Variants in CNTNAP5 observed in about 807,000 individuals in gnomAD.
CNTNAP5 encodes contactin-associated protein-like 5.
In CNTNAP5, 72 loss-of-function variants were observed where a neutral mutation model predicts 150.2. The ratio of observed to expected loss-of-function variants is 0.48; its 90% CI spans 0.40 to 0.58. The LOEUF (loss-of-function observed/expected upper bound fraction) is 0.58. CNTNAP5 is among the 20% of genes least tolerant of loss of function. CNTNAP5 has a pLI of 0.00. For synonymous variants in CNTNAP5, 672 were observed against 619.8 expected, an observed-to-expected ratio of 1.08 and a Z score of -1.25; for missense variants, 1,636 against 1,626.2, an observed-to-expected ratio of 1.01 and a Z score of -0.10.
intron 11 of CNTNAP5, among the ~76,000 whole-genome samples, chr2:124,607,050 C>G (rs118147848): frequency 6.6e-6 from 1 of 152,170 alleles, no homozygotes; most frequent in African/African-American, 2.4e-5. Context: ...ATCCTTACTA[C>G]AACAGTATGA....
At position 124,772,670 on chromosome 2, in the gene CNTNAP5, G is replaced by A. The variant is rs117235017; in HGVS notation, c.2534-129G>A. ...TGTTACTATTAATGGTGATTTCAGT[G>A]CTGCAGGGATTTCAAAAGAAGTCTT... On this transcript the variant is annotated intron_variant, in intron 16 of 23. Transcript: ENST00000682447. The A allele has an allele frequency of 1.8e-3, 1,222 of 673,060 alleles. 16 individuals carry two copies. In the East Asian group the frequency reaches 0.029, roughly 16 times the overall value. 41.7% of individuals were successfully genotyped at this position (673,060 alleles called of 1,614,324 possible).
intron 1 of CNTNAP5, among the ~76,000 whole-genome samples, chr2:124,058,773 T>A (rs17010782): frequency 2.4e-4 from 37 of 152,194 alleles, no homozygotes; most frequent in Non-Finnish European, 4.8e-4. Flanking sequence ...ACCACTCTTA[T>A]GAGCCAAATT....
chr2:124,754,413 C>G (rs1049427809), intron 14 of CNTNAP5, among the ~76,000 whole-genome samples: 1 of 152,084 alleles, frequency 6.6e-6, no homozygotes, highest in Admixed American at 6.6e-5. Flanking sequence ...TTTGCTCACT[C>G]GGTCCCTGAA....
At chr2:124,285,081 A>T (rs1158971486) in intron 3 of CNTNAP5, among the ~76,000 whole-genome samples, 1 of 152,106 alleles carries the variant, frequency 6.6e-6, no homozygotes, top group Non-Finnish European at 1.5e-5. Context: ...TAGTTCTTGG[A>T]GTGTGAATAT....
chr2:124,111,567 C>A (rs1439005294), intron 1 of CNTNAP5, among the ~76,000 whole-genome samples: 1 of 152,094 alleles, frequency 6.6e-6, no homozygotes, highest in African/African-American at 2.4e-5. Flanking sequence ...CCACAGGCTT[C>A]ATCACTGATG....
intron 3 of CNTNAP5, among the ~76,000 whole-genome samples, chr2:124,406,322 G>A (rs143572729): frequency 3.5e-4 from 54 of 152,224 alleles, no homozygotes; most frequent in African/African-American, 1.2e-3. Flanking sequence ...TGTAAATTAG[G>A]TCAATTTTAC....
chr2:124,085,407 A>G (rs1294542012), intron 1 of CNTNAP5, among the ~76,000 whole-genome samples: 1 of 150,540 alleles, frequency 6.6e-6, no homozygotes, highest in Non-Finnish European at 1.5e-5. Context: ...TTCATTCCTG[A>G]TATTGGTTTT....
intron 19 of CNTNAP5, among the ~76,000 whole-genome samples, chr2:124,852,676 A>T (rs369530045): frequency 2.0e-5 from 3 of 151,900 alleles, no homozygotes; most frequent in Middle Eastern, 3.2e-3. Flanking sequence ...GAGAATGAGG[A>T]GGTGAGGCTG....
intron 1 of CNTNAP5, among the ~76,000 whole-genome samples, chr2:124,081,252 A>C (rs573008088): frequency 6.6e-6 from 1 of 152,262 alleles, no homozygotes; most frequent in African/African-American, 2.4e-5. Flanking sequence ...AAAATCATCT[A>C]TTAGAACCAC....
intron 13 of CNTNAP5, among the ~76,000 whole-genome samples, chr2:124,714,280 G>A (rs1018925286): frequency 3.3e-5 from 5 of 152,124 alleles, no homozygotes; most frequent in East Asian, 3.9e-4. Flanking sequence ...TACGCAGAAT[G>A]ACCCTCAAGG....
chr2:124,227,018 G>A (rs1465780757), intron 2 of CNTNAP5, among the ~76,000 whole-genome samples: 2 of 151,958 alleles, frequency 1.3e-5, no homozygotes, highest in South Asian at 2.1e-4. Flanking sequence ...CATCTGTTAC[G>A]GGCTGCACCT....
intron 13 of CNTNAP5, among the ~76,000 whole-genome samples, chr2:124,729,904 C>G (rs938734611): frequency 1.3e-5 from 2 of 152,072 alleles, no homozygotes; most frequent in Admixed American, 1.3e-4. Flanking sequence ...GAGCAGCCAA[C>G]AATGCATTAA....
At chr2:124,122,278 A>C (rs1216100708) in intron 1 of CNTNAP5, among the ~76,000 whole-genome samples, 1 of 152,226 alleles carries the variant, frequency 6.6e-6, no homozygotes, top group East Asian at 1.9e-4. Context: ...AAATGATATT[A>C]CTAATTAAAT....
chr2:124,156,133 G>A (rs1056386557), intron 1 of CNTNAP5, among the ~76,000 whole-genome samples: 24 of 152,198 alleles, frequency 1.6e-4, no homozygotes, highest in African/African-American at 5.5e-4. Context: ...TCTTGATTTC[G>A]TAAAAGGGTT....
At chr2:124,122,783 CA>C (rs1558764177) in intron 1 of CNTNAP5, among the ~76,000 whole-genome samples, 58 of 151,276 alleles carry the variant, frequency 3.8e-4, no homozygotes, top group South Asian at 4.2e-4. Context: ...CACACACACA[CA>C]CACACACACC....
intron 1 of CNTNAP5, among the ~76,000 whole-genome samples, chr2:124,119,856 A>C (rs1306650369): frequency 6.6e-6 from 1 of 152,260 alleles, no homozygotes; most frequent in Non-Finnish European, 1.5e-5. Context: ...AAACCACTGC[A>C]GGCTCTTTAC....
At position 124,795,922 on chromosome 2, in the gene CNTNAP5, G is replaced by A. The variant is rs996022730; in HGVS notation, c.2993-2174G>A. 7.2e-5 allele frequency among the ~76,000 whole-genome samples: 11 copies of A among 151,952 alleles called. No homozygotes were observed. In the East Asian group the frequency reaches 9.7e-4, roughly 13 times the overall value. Reference sequence around the variant, plus strand: ...CAAGGGGTGTTGTTGATAGTGGCTCGGTGGCCTTGGAGAATCATCATGGTC... The same window carrying A: ...CAAGGGGTGTTGTTGATAGTGGCTCAGTGGCCTTGGAGAATCATCATGGTC... On this transcript the variant is annotated intron_variant, in intron 18 of 23. Coordinates refer to ENST00000682447, the MANE Select transcript of CNTNAP5 (RefSeq NM_001367498.1).
chr2:124,125,181 A>G (rs1273235853), intron 1 of CNTNAP5, among the ~76,000 whole-genome samples: 1 of 152,214 alleles, frequency 6.6e-6, no homozygotes, highest in Non-Finnish European at 1.5e-5. Context: ...TCACATGCAG[A>G]GGCACATGTA....
intron 19 of CNTNAP5, among the ~76,000 whole-genome samples, chr2:124,850,360 A>G (rs1379163446): frequency 1.3e-5 from 2 of 152,170 alleles, no homozygotes; most frequent in African/African-American, 4.8e-5. Context: ...TGAGATGTGG[A>G]TAGAGAGACA....
Sources: allele counts gnomAD v4.1 joint callset (sites outside exome capture counted in the v4.1 genomes callset), GRCh38; gene constraint gnomAD v4.1.1; transcripts MANE v1.5; gene names NCBI Gene and HGNC (gene_info 2026-07-23, HGNC 2026-07-21).